The following SGCZ variants were observed in gnomAD, a reference collection of about 807,000 sequenced individuals.
SGCZ encodes zeta-sarcoglycan.
SGCZ carries 40 observed loss-of-function variants against 41.3 expected under a neutral mutation model. The ratio of observed to expected loss-of-function variants is 0.97; its 90% CI spans 0.75 to 1.26. The LOEUF is 1.26. Ranked by LOEUF, SGCZ falls within the 50% of genes most tolerant of loss-of-function variation. SGCZ has a pLI of 0.00. For synonymous variants in SGCZ, 206 were observed against 137.5 expected (o/e 1.50, Z -3.49); for missense variants, 552 against 369.8 (o/e 1.49, Z -4.04).
In SGCZ at chr8:14,578,648, G is replaced by A. The variant is rs1322315808; in HGVS notation, c.40-23722C>T. On this transcript the variant is annotated intron_variant, in intron 1 of 7. Coordinates refer to ENST00000382080, the MANE Select transcript of SGCZ (RefSeq NM_139167.4). ...GATTAATTCTAGGGCACATTCTGAGGTCAATTTCAGAAAATTCGGTGATGA... is the reference window on the plus strand; with the variant it reads ...GATTAATTCTAGGGCACATTCTGAGATCAATTTCAGAAAATTCGGTGATGA... 3.9e-5 allele frequency among the ~76,000 whole-genome samples: 6 copies of A among 152,102 alleles called. No homozygotes were observed. The South Asian group carries it at 1.2e-3, about 31-fold the overall frequency.
chr8:14,574,195 T>C (rs1237542473), intron 1 of SGCZ, among the ~76,000 whole-genome samples: 1 of 152,102 alleles, frequency 6.6e-6, no homozygotes, highest in Non-Finnish European at 1.5e-5. Context: ...AAGATGCGGA[T>C]GTTGGGGCTC....
chr8:14,116,717 C>T (rs897034605), intron 5 of SGCZ, among the ~76,000 whole-genome samples: 2 of 151,974 alleles, frequency 1.3e-5, no homozygotes, highest in African/African-American at 4.8e-5. Flanking sequence ...TTCATGTATA[C>T]CGATAGGTAA....
chr8:15,139,707 G>T (rs1226397462), intron 1 of SGCZ, among the ~76,000 whole-genome samples: 1 of 152,050 alleles, frequency 6.6e-6, no homozygotes, highest in Non-Finnish European at 1.5e-5. Context: ...TTGTACATTA[G>T]ATCTCTAGAC....
intron 1 of SGCZ, among the ~76,000 whole-genome samples, chr8:14,737,021 A>G (rs148459562): frequency 1.1e-3 from 163 of 150,782 alleles, no homozygotes; most frequent in African/African-American, 3.8e-3. Context: ...TGGTATATAG[A>G]TATATATATT....
intron 1 of SGCZ, among the ~76,000 whole-genome samples, chr8:14,854,151 G>A (rs1030595369): frequency 2.7e-5 from 4 of 149,022 alleles, no homozygotes; most frequent in African/African-American, 9.8e-5. Context: ...ATACATTATT[G>A]TTATTAGTTT....
At chr8:14,682,409 T>A (rs1434064571) in intron 1 of SGCZ, among the ~76,000 whole-genome samples, 1 of 151,168 alleles carries the variant, frequency 6.6e-6, no homozygotes, top group East Asian at 2.0e-4. Context: ...AAAATGCACA[T>A]ACATATATAA....
intron 1 of SGCZ, among the ~76,000 whole-genome samples, chr8:15,035,010 A>T (rs187287296): frequency 6.6e-6 from 1 of 152,170 alleles, no homozygotes; most frequent in African/African-American, 2.4e-5. Context: ...AAAACACCTG[A>T]AAGTATTAAG....
intron 1 of SGCZ, among the ~76,000 whole-genome samples, chr8:14,762,921 A>G (rs915595586): frequency 1.4e-4 from 22 of 152,208 alleles, no homozygotes; most frequent in Admixed American, 3.9e-4. Flanking sequence ...CATCTTTGGC[A>G]TTATTAGTTG....
At chr8:15,019,797 C>G (rs971745225) in intron 1 of SGCZ, among the ~76,000 whole-genome samples, 4 of 150,186 alleles carry the variant, frequency 2.7e-5, no homozygotes, top group African/African-American at 9.9e-5. Context: ...TCAGGATCAT[C>G]TGGAGAAATA....
At position 15,141,563 on chromosome 8, in the gene SGCZ, T is replaced by A. The variant is rs760097224; in HGVS notation, c.39+96022A>T. 4.6e-5 allele frequency among the ~76,000 whole-genome samples: 7 copies of A among 152,230 alleles called. 1 individual carries two copies. The highest frequency in any genetic ancestry group is 8.8e-5 in the Non-Finnish European group (6 of 68,034). On this transcript the variant is annotated intron_variant, in intron 1 of 7. Coordinates refer to ENST00000382080, the MANE Select transcript of SGCZ (RefSeq NM_139167.4). ...GTATGACTTGGGTCCCTAGATTCTG[T>A]CTGGGGATCTTCCTTAGAAGGCTCT... is the stretch of plus-strand genomic sequence containing the variant.
intron 1 of SGCZ, among the ~76,000 whole-genome samples, chr8:14,885,367 G>A (rs1043565098): frequency 2.6e-5 from 4 of 152,050 alleles, no homozygotes; most frequent in Non-Finnish European, 5.9e-5. Flanking sequence ...TTATGCCTAG[G>A]GACTAACACC....
At chr8:14,518,604 C>T (rs1014963101) in intron 2 of SGCZ, among the ~76,000 whole-genome samples, 2 of 152,016 alleles carry the variant, frequency 1.3e-5, no homozygotes, top group Non-Finnish European at 2.9e-5. Flanking sequence ...TGGAGACCTA[C>T]CTACATCCAC....
At chr8:15,160,743 G>C (rs1799487343) in intron 1 of SGCZ, among the ~76,000 whole-genome samples, 1 of 152,138 alleles carries the variant, frequency 6.6e-6, no homozygotes, top group South Asian at 2.1e-4. Context: ...CCATGAATCT[G>C]ACTTCAATTG....
intron 2 of SGCZ, among the ~76,000 whole-genome samples, chr8:14,440,020 A>C (rs1352630538): frequency 6.6e-6 from 1 of 152,026 alleles, no homozygotes; most frequent in African/African-American, 2.4e-5. Context: ...TTAGCCTCAT[A>C]AATTTAACCT....
At chr8:14,358,900 C>A (rs1803400088) in intron 2 of SGCZ, among the ~76,000 whole-genome samples, 1 of 152,114 alleles carries the variant, frequency 6.6e-6, no homozygotes, top group Admixed American at 6.6e-5. Context: ...TGAGCCACTG[C>A]ACCTGGCCAG....
At chr8:14,124,621 G>A (rs1311423806) in intron 5 of SGCZ, among the ~76,000 whole-genome samples, 2 of 152,264 alleles carry the variant, frequency 1.3e-5, no homozygotes, top group East Asian at 3.9e-4. Context: ...CTCTGACATT[G>A]TTAGGCATAT....
At chr8:14,098,300 T>G (rs1274697787) in intron 7 of SGCZ, among the ~76,000 whole-genome samples, 1 of 152,192 alleles carries the variant, frequency 6.6e-6, no homozygotes, top group African/African-American at 2.4e-5. Flanking sequence ...TTTGTTCTAT[T>G]TTTTTAAGAT....
intron 2 of SGCZ, among the ~76,000 whole-genome samples, chr8:14,428,001 T>C (rs1799833847): frequency 1.3e-5 from 2 of 152,010 alleles, no homozygotes; most frequent in Non-Finnish European, 2.9e-5. Context: ...TATATGCAAA[T>C]ACTATGTGAT....
intron 1 of SGCZ, among the ~76,000 whole-genome samples, chr8:14,587,294 T>C (rs961563378): frequency 1.3e-5 from 2 of 151,206 alleles, no homozygotes; most frequent in Non-Finnish European, 2.9e-5. Context: ...AAATGTTTAA[T>C]TAAAAAAACA....
Sources: gnomAD v4.1 joint callset for allele counts (sites outside exome capture counted in the v4.1 genomes callset) on GRCh38, gnomAD v4.1.1 for gene constraint, MANE v1.5 for transcripts, NCBI Gene and HGNC (gene_info 2026-07-23, HGNC 2026-07-21) for gene names.